The following USP32 variants were observed in gnomAD, a reference collection of about 807,000 sequenced individuals.
USP32 encodes the protein ubiquitin carboxyl-terminal hydrolase 32.
USP32 carries 59 observed loss-of-function variants against 204.8 expected under a neutral mutation model. The ratio of observed to expected loss-of-function variants is 0.29; its 90% CI spans 0.23 to 0.36. The LOEUF (loss-of-function observed/expected upper bound fraction) is 0.36. USP32 is among the 10% of genes least tolerant of loss of function. USP32 has a pLI of 1.00. For missense variants in USP32, 1,160 were observed against 1,946.4 expected, an observed-to-expected ratio of 0.60 and a Z score of 7.60; for synonymous variants, 517 against 678.4, an observed-to-expected ratio of 0.76 and a Z score of 3.70.
chr17:60,220,539 A>C (rs2085216721), intron 15 of USP32, among the ~76,000 whole-genome samples: 1 of 152,236 alleles, frequency 6.6e-6, no homozygotes, highest in Non-Finnish European at 1.5e-5. Flanking sequence ...TAACCTGCTT[A>C]TAAGCCCACA....
chr17:60,401,184 A>G (rs988514796), intron 1 of USP32, among the ~76,000 whole-genome samples: 5 of 151,166 alleles, frequency 3.3e-5, no homozygotes, highest in African/African-American at 1.2e-4. Flanking sequence ...GACCGGGCGC[A>G]ATGGCTCACA....
intron 32 of USP32, among the ~76,000 whole-genome samples, chr17:60,181,027 C>A (rs1437003862): frequency 2.0e-5 from 3 of 152,046 alleles, no homozygotes; most frequent in Admixed American, 2.0e-4. Context: ...GGACCACAGG[C>A]ACATGCCACC....
chr17:60,230,445 T>C (rs2085515424), intron 12 of USP32, among the ~76,000 whole-genome samples: 1 of 152,250 alleles, frequency 6.6e-6, no homozygotes, highest in Non-Finnish European at 1.5e-5. Flanking sequence ...CTAAATTTTA[T>C]AATAATTTGT....
At chr17:60,274,168 TAA>T (rs1183081006) in intron 5 of USP32, among the ~76,000 whole-genome samples, 1 of 151,884 alleles carries the variant, frequency 6.6e-6, no homozygotes, top group African/African-American at 2.4e-5. Context: ...ATTTGAAATT[TAA>T]AAAAATTCCC....
intron 24 of USP32, among the ~76,000 whole-genome samples, chr17:60,207,435 T>C (rs1598064853): frequency 6.6e-6 from 1 of 152,058 alleles, no homozygotes; most frequent in East Asian, 1.9e-4. Flanking sequence ...TTGCATTTCA[T>C]ATTAAGAAAC....
chr17:60,213,405 T>C (rs2085021935), intron 18 of USP32, among the ~76,000 whole-genome samples, 176 bp downstream of exon 18: 2 of 152,178 alleles, frequency 1.3e-5, no homozygotes, highest in South Asian at 4.1e-4. Flanking sequence ...TATGGTAGGA[T>C]TACATAAGAG....
chr17:60,236,299 C>G, intron 11 of USP32, 59 bp from the exon 12 acceptor site: 1 of 1,379,612 alleles, frequency 7.2e-7, no homozygotes, highest in South Asian at 1.2e-5. Context: ...TGGCAACGCA[C>G]AAAAATTATC....
chr17:60,311,720 G>C (rs1258374606), intron 2 of USP32, among the ~76,000 whole-genome samples: 1 of 152,188 alleles, frequency 6.6e-6, no homozygotes, highest in Non-Finnish European at 1.5e-5. Flanking sequence ...AGCTACTCAG[G>C]AGGCTGAGGC....
chr17:60,280,744 C>T (rs1240900078), intron 5 of USP32, among the ~76,000 whole-genome samples: 2 of 152,154 alleles, frequency 1.3e-5, no homozygotes, highest in Admixed American at 6.5e-5. Flanking sequence ...ATTCCTAACA[C>T]ATTATTAGAA....
intron 5 of USP32, among the ~76,000 whole-genome samples, chr17:60,273,266 C>T (rs1215195737): frequency 2.0e-5 from 3 of 152,070 alleles, no homozygotes; most frequent in Non-Finnish European, 2.9e-5. Context: ...CATGAGTCAC[C>T]GCACCCAGCC....
At chr17:60,192,081 G>A (rs1274520716) in intron 28 of USP32, among the ~76,000 whole-genome samples, 26 of 151,888 alleles carry the variant, frequency 1.7e-4, no homozygotes, top group Non-Finnish European at 2.8e-4. Flanking sequence ...GATCACCTGA[G>A]GTCAGGAGTT....
At chr17:60,354,012 T>TATA (rs1422626942) in intron 1 of USP32, among the ~76,000 whole-genome samples, 1 of 152,224 alleles carries the variant, frequency 6.6e-6, no homozygotes, top group Admixed American at 6.5e-5. Context: ...TAGCTGCAAC[T>TATA]ATACTCTTTA....
At chr17:60,256,643 C>CA in intron 9 of USP32, 1 of 1,021,650 alleles carries the variant, frequency 9.8e-7, no homozygotes, top group Non-Finnish European at 1.2e-6. Flanking sequence ...GTTAGGTTAA[C>CA]AGGAGTGTCT....
chr17:60,188,429 T>C lies in USP32; in HGVS notation c.3642+2134A>G, dbSNP rs2084300309. ...ATTTTCTTCTGTCCTCTTTCCTAAATAGTATTTTTTTCAATATTGAAGGTA... is the reference window on the plus strand; with the variant it reads ...ATTTTCTTCTGTCCTCTTTCCTAAACAGTATTTTTTTCAATATTGAAGGTA... On this transcript the variant is annotated intron_variant, in intron 29 of 33. Transcript: ENST00000300896. 2.6e-5 allele frequency among the ~76,000 whole-genome samples: 4 copies of C among 152,192 alleles called. 1 individual carries two copies. In the South Asian group the frequency reaches 8.3e-4, roughly 31 times the overall value.
At chr17:60,324,506 T>C (rs2088185348) in intron 2 of USP32, among the ~76,000 whole-genome samples, 1 of 152,092 alleles carries the variant, frequency 6.6e-6, no homozygotes. Flanking sequence ...ATTTATATTT[T>C]CCCATTGTTA....
chr17:60,181,397 C>T lies in USP32; in HGVS notation c.4475G>A (p.Ser1492Asn). The part of the protein sequence containing the change: ...GYSNGQLGNH[S>N]EEDSTDDQRE... ...TTGGTCATCAGTGCTGTCTTCTTCA[C>T]TGTGGTTTCCAAGCTGACCATTGCT... The change falls in exon 32 of 34, where the codon AGT becomes AAT. Residue 1492 changes from serine (S) to asparagine (N), a missense_variant. Ser to Asn is a conservative substitution (Grantham distance 46). Around this residue, in one of 8 missense-constraint regions of USP32, gnomAD observed 244 missense variants for 342.3 expected, o/e 0.71. Transcript: ENST00000300896. 6.2e-7 allele frequency: 1 copy of T among 1,613,996 alleles called. No individual in the cohort carries two copies. Among genetic ancestry groups the T allele is most frequent in the South Asian group, 1.1e-5 (1 of 91,078 alleles).
chr17:60,216,020 A>G (rs2145536171), intron 16 of USP32, among the ~76,000 whole-genome samples: 1 of 152,382 alleles, frequency 6.6e-6, no homozygotes, highest in South Asian at 2.1e-4. Flanking sequence ...TGGTCAAAAC[A>G]GAGTTTCAAA....
chr17:60,196,677 T>C (rs1183494194), intron 27 of USP32, among the ~76,000 whole-genome samples: 1 of 151,056 alleles, frequency 6.6e-6, no homozygotes, highest in African/African-American at 2.4e-5. Flanking sequence ...ATACAAAAAT[T>C]AGCCAGGCAT....
intron 1 of USP32, among the ~76,000 whole-genome samples, chr17:60,419,336 G>C (rs1212424513): frequency 6.6e-6 from 1 of 152,160 alleles, no homozygotes; most frequent in Non-Finnish European, 1.5e-5. Flanking sequence ...ACACGTAGAG[G>C]GGAACAACAC....
Sources: gnomAD v4.1 joint callset for allele counts (sites outside exome capture counted in the v4.1 genomes callset) on GRCh38, gnomAD v4.1.1 for gene constraint, gnomAD v4.1.1 regional missense constraint, MANE v1.5 for transcripts, NCBI Gene and HGNC (gene_info 2026-07-23, HGNC 2026-07-21) for gene names.